The following ZNF483 variants were observed in gnomAD, a reference collection of about 807,000 sequenced individuals.
The protein encoded by ZNF483 is zinc finger protein 483.
Under a neutral mutation model 28.6 loss-of-function variants are expected in ZNF483, and 9 were observed. The ratio of observed to expected loss-of-function variants is 0.32; its 90% CI spans 0.19 to 0.55. ZNF483 has a LOEUF of 0.55. ZNF483 is among the 20% of genes least tolerant of loss of function. The probability of loss-of-function intolerance (pLI) is 0.93; values close to 1 mark genes in which losing one functional copy is unlikely to be tolerated. For synonymous variants in ZNF483, 322 were observed against 306.2 expected (o/e 1.05, Z -0.54); for missense variants, 675 against 871.7 (o/e 0.77, Z 2.84).
chr9:111,557,391 T>C (rs994208807), downstream of ZNF483, among the ~76,000 whole-genome samples: 4 of 151,118 alleles, frequency 2.6e-5, no homozygotes, highest in Non-Finnish European at 4.4e-5. Flanking sequence ...AAAAAAAAGA[T>C]GACTTGAACA....
downstream of ZNF483, among the ~76,000 whole-genome samples, chr9:111,556,178 T>C (rs1019444554): frequency 2.0e-5 from 3 of 152,244 alleles, no homozygotes; most frequent in East Asian, 1.9e-4. Context: ...TTAAATCTTA[T>C]AGCTCCATAA....
In ZNF483 at chr9:111,527,653, C is replaced by T; in HGVS notation, c.258C>T (p.His86=). Residue 86 remains histidine (H), a synonymous_variant, in exon 2 of 6, where the codon CAC becomes CAT. Transcript: ENST00000309235. ...ATCAGTGGCTGAGACCAGACATTCA[C>T]ACGAAAGAACAGATTTTAGAGCTTC... ...LCNQWLRPDI[H]TKEQILELLV... The T allele has an allele frequency of 6.2e-7, 1 of 1,614,146 alleles. No homozygotes were observed. The highest frequency in any genetic ancestry group is 8.5e-7 in the Non-Finnish European group (1 of 1,180,038).
chr9:111,563,350 G>C (rs1012067631), intron 5 of ZNF483: 1 of 1,020,564 alleles, frequency 9.8e-7, no homozygotes, highest in African/African-American at 1.6e-5. Context: ...ATAAGAGATG[G>C]AAGTCCTGTC....
At chr9:111,555,998 C>A (rs10817186), downstream of ZNF483, among the ~76,000 whole-genome samples, 51,278 of 152,150 alleles carry the variant, frequency 0.34, 9,435 homozygotes, top group Non-Finnish European at 0.42. Context: ...CAAGGCAAGT[C>A]CCTTCCACCT....
Position 111,544,801 on chromosome 9 carries a change from A to G in ZNF483, c.*1631A>G, listed in dbSNP as rs145152690. Among the ~76,000 whole-genome samples, 3 of 152,166 alleles carry G rather than the reference A, an allele frequency of 2.0e-5. No homozygotes were observed. The highest frequency in any genetic ancestry group is 4.4e-5 in the Non-Finnish European group (3 of 68,034). ...ATTTCATTGGTGGAGTCTGAATAATAATTTCCAACTGAAAAAGGAACTTAA... is the reference window on the plus strand; with the variant it reads ...ATTTCATTGGTGGAGTCTGAATAATGATTTCCAACTGAAAAAGGAACTTAA... On this transcript the variant is annotated 3_prime_UTR_variant, in exon 6 of 6. Coordinates refer to ENST00000309235, the MANE Select transcript of ZNF483 (RefSeq NM_133464.5).
chr9:111,535,013 A>G lies in ZNF483; in HGVS notation c.721+660A>G, dbSNP rs138494393. Among the ~76,000 whole-genome samples, 367 of 152,136 alleles carry G rather than the reference A, an allele frequency of 2.4e-3. 5 individuals carry two copies. Among genetic ancestry groups the G allele is most frequent in the African/African-American group, 7.8e-3 (325 of 41,504 alleles). ...GCTGGGATTACAGGTATGAGCCACC[A>G]CGCCCGGCTGCAGTGCAGTTCCAAA... On this transcript the variant is annotated intron_variant, in intron 5 of 5. Coordinates refer to ENST00000309235, the MANE Select transcript of ZNF483 (RefSeq NM_133464.5).
intron 3 of ZNF483, 36 bp downstream of exon 3, chr9:111,530,999 A>G: frequency 9.2e-7 from 1 of 1,086,918 alleles, no homozygotes; most frequent in Non-Finnish European, 1.3e-6. Flanking sequence ...TCCTAAGTGA[A>G]TACTTAATTG....
intron 5 of ZNF483, among the ~76,000 whole-genome samples, chr9:111,561,981 G>A (rs1223736207): frequency 6.7e-6 from 1 of 150,350 alleles, no homozygotes. Context: ...TGCCTCCTGG[G>A]CTCAAGCGAT....
In ZNF483 at chr9:111,529,151, T is replaced by C. The variant is rs889653202; in HGVS notation, c.412+1344T>C. ...AAACTCCGTCTCAAAAAAAAAAAGA[T>C]TGATTTCTAGGATTCTGTAGGGTGT... On this transcript the variant is annotated intron_variant, in intron 2 of 5. Transcript: ENST00000309235. 7.2e-4 allele frequency among the ~76,000 whole-genome samples: 88 copies of C among 121,958 alleles called. 1 individual carries two copies. The highest frequency in any genetic ancestry group is 3.4e-4 in the Non-Finnish European group (18 of 53,512). 80.0% of individuals were successfully genotyped at this position (121,958 alleles called of 152,430 possible). A position where few individuals can be genotyped will look rare whatever the true frequency, so the allele number is the denominator to read the frequency against.
In ZNF483 at chr9:111,528,900, C is replaced by T. The variant is rs189479492; in HGVS notation, c.412+1093C>T. 2.6e-4 allele frequency among the ~76,000 whole-genome samples: 40 copies of T among 152,216 alleles called. No individual in the cohort carries two copies. In the East Asian group the frequency reaches 7.5e-3, roughly 29 times the overall value. ...GTGGCTCACACCTGTAATCCCAGCACTTCGGGAGGCCTAGGCGGGTGGATC... is the reference window on the plus strand; with the variant it reads ...GTGGCTCACACCTGTAATCCCAGCATTTCGGGAGGCCTAGGCGGGTGGATC... On this transcript the variant is annotated intron_variant, in intron 2 of 5. Coordinates refer to ENST00000309235, the MANE Select transcript of ZNF483 (RefSeq NM_133464.5).
At chr9:111,560,802 G>C (rs1335429178) in intron 5 of ZNF483, among the ~76,000 whole-genome samples, 1 of 149,520 alleles carries the variant, frequency 6.7e-6, no homozygotes, top group African/African-American at 2.5e-5. Flanking sequence ...CACTAGCCAG[G>C]CATGGTGGCT....
intron 3 of ZNF483, among the ~76,000 whole-genome samples, chr9:111,532,181 T>G (rs2132227671): frequency 6.6e-6 from 1 of 152,182 alleles, no homozygotes; most frequent in East Asian, 1.9e-4. Context: ...CATAGTCACA[T>G]ACCTGTGGTC....
At chr9:111,569,038 T>C (rs950230043) in intron 5 of ZNF483, among the ~76,000 whole-genome samples, 5 of 152,218 alleles carry the variant, frequency 3.3e-5, no homozygotes, top group African/African-American at 1.2e-4. Flanking sequence ...ATAACTGAGA[T>C]AGTAAAGTCT....
Position 111,534,362 on chromosome 9 carries a change from G to A in ZNF483, c.721+9G>A, listed in dbSNP as rs781101306. 1 of 1,611,804 alleles carries A rather than the reference G, an allele frequency of 6.2e-7. No homozygotes were observed. Among genetic ancestry groups the A allele is most frequent in the South Asian group, 1.1e-5 (1 of 90,992 alleles). On this transcript the variant is annotated intron_variant, in intron 5 of 5. Transcript: ENST00000309235. ...AAAAAGCTCCCGACTAGGTGAGTTG[G>A]TGAAAAATACACAACGAAATTAAAG...
chr9:111,562,952 A>G (rs1443673387), intron 5 of ZNF483: 2 of 1,390,606 alleles, frequency 1.4e-6, no homozygotes, highest in African/African-American at 2.9e-5. Context: ...TGAAACTTCC[A>G]TCCTCCATCA....
rs59506521 is a variant in ZNF483 at position 111,551,720 on chromosome 9, T to C, written c.*8550T>C. ...CACAACCCCAATTTTTGTTTAAAAT[T>C]TGCATCCACATTAACAAAACTTTTA... On this transcript the variant is annotated 3_prime_UTR_variant, in exon 6 of 6. Coordinates refer to ENST00000309235, the MANE Select transcript of ZNF483 (RefSeq NM_133464.5). 3.6e-3 allele frequency among the ~76,000 whole-genome samples: 546 copies of C among 152,292 alleles called. 3 individuals carry two copies. Among genetic ancestry groups the C allele is most frequent in the African/African-American group, 0.012 (497 of 41,568 alleles).
intron 5 of ZNF483, among the ~76,000 whole-genome samples, chr9:111,561,167 GAGAGAGAGAGAA>G (rs1189886171): frequency 7.0e-6 from 1 of 142,920 alleles, no homozygotes; most frequent in Admixed American, 7.1e-5. Flanking sequence ...GAGAGAGAGA[GAGAGAGAGAGAA>G]AGAGAGAGAG....
Position 111,545,787 on chromosome 9 carries a change from G to A in ZNF483, c.*2617G>A, listed in dbSNP as rs138820265. ...TGGATGCTTCGTGCATTCACTAGTTGAAGAACATTTGAGGTTTTTCCAGTT... is the reference window on the plus strand; with the variant it reads ...TGGATGCTTCGTGCATTCACTAGTTAAAGAACATTTGAGGTTTTTCCAGTT... On this transcript the variant is annotated 3_prime_UTR_variant, in exon 6 of 6. Coordinates refer to ENST00000309235, the MANE Select transcript of ZNF483 (RefSeq NM_133464.5). Among the ~76,000 whole-genome samples, 89 of 152,160 alleles carry A rather than the reference G, an allele frequency of 5.8e-4. No homozygotes were observed. The East Asian group carries it at 0.016, about 28-fold the overall frequency.
downstream of ZNF483, among the ~76,000 whole-genome samples, chr9:111,557,710 G>A (rs888414424): frequency 4.6e-5 from 7 of 152,128 alleles, no homozygotes; most frequent in Admixed American, 1.3e-4. Context: ...AAATACAGGT[G>A]TGAGACATTG....
Sources: allele counts gnomAD v4.1 joint callset (sites outside exome capture counted in the v4.1 genomes callset), GRCh38; gene constraint gnomAD v4.1.1; transcripts MANE v1.5; gene names NCBI Gene and HGNC (gene_info 2026-07-23, HGNC 2026-07-21).